The following CYB5R2 variants were observed in gnomAD, a reference collection of about 807,000 sequenced individuals.
CYB5R2 encodes cytochrome b5 reductase 2, also known as NADH-cytochrome b5 reductase 2.
Under a neutral mutation model 29.8 loss-of-function variants are expected in CYB5R2, and 35 were observed. That is an observed-to-expected ratio of 1.17 (90% CI 0.90 to 1.56). CYB5R2 has a LOEUF of 1.56. Ranked by LOEUF, CYB5R2 falls within the 40% of genes most tolerant of loss-of-function variation. The probability of loss-of-function intolerance (pLI) is 0.00; values close to 1 mark genes in which losing one functional copy is unlikely to be tolerated. For synonymous variants in CYB5R2, 169 were observed against 130.6 expected (o/e 1.29, Z -2.01); for missense variants, 419 against 346.7 (o/e 1.21, Z -1.66).
chr11:7,666,649 C>T, intron 7 of CYB5R2, 99 bp from the exon 8 acceptor site: 1 of 766,372 alleles, frequency 1.3e-6, no homozygotes. Context: ...AAGCTGCCAC[C>T]ACTCCAGCTG....
At position 7,668,513 on chromosome 11, in the gene CYB5R2, A is replaced by C. The variant is rs1006325206; in HGVS notation, c.437T>G (p.Leu146Arg). The change falls in exon 6 of 9, where the codon CTG (leucine) becomes CGG (arginine). Residue 146 changes from leucine to arginine, a missense_variant. Coordinates refer to ENST00000299498, the MANE Select transcript of CYB5R2 (RefSeq NM_016229.5). ...AGCAATCATTCCCAGGTGATCGGCC[A>C]GTGTTTTTTTAGGCTCACTCGTCTG... The part of the protein sequence containing the change: ...PDQTSEPKKT[L>R]ADHLGMIAGG... 24 of 1,613,980 alleles carry C rather than the reference A, an allele frequency of 1.5e-5. No homozygotes were observed. Among genetic ancestry groups the C allele is most frequent in the Non-Finnish European group, 1.9e-5 (22 of 1,180,002 alleles).
At chr11:7,674,035 C>T (rs1329746121), upstream of CYB5R2, 1 of 1,182,428 alleles carries the variant, frequency 8.5e-7, no homozygotes, top group Non-Finnish European at 1.1e-6. Context: ...GGCGTCCTCG[C>T]TCCTGCGCTG....
upstream of CYB5R2, chr11:7,673,915 C>T (rs1411482173): frequency 4.0e-6 from 4 of 1,000,566 alleles, no homozygotes; most frequent in South Asian, 4.3e-5. Flanking sequence ...CTGGCCCGCT[C>T]CCCGAGAAGG....
intron 7 of CYB5R2, 68 bp from the exon 8 acceptor site, chr11:7,666,618 C>G: frequency 8.6e-7 from 1 of 1,169,570 alleles, no homozygotes; most frequent in Non-Finnish European, 1.3e-6. Context: ...CTGACTACAC[C>G]GGTCAGCATA....
intron 3 of CYB5R2, chr11:7,671,305 C>G (rs1246267255): frequency 6.6e-6 from 1 of 152,410 alleles, no homozygotes; most frequent in Non-Finnish European, 1.5e-5. Flanking sequence ...CAAGCCCCAT[C>G]TCTAACTTGC....
At chr11:7,672,195 C>A in intron 3 of CYB5R2, 1 of 452,062 alleles carries the variant, frequency 2.2e-6, no homozygotes. Context: ...AGATTTTAGG[C>A]CTTTTGGCTC....
intron 4 of CYB5R2, 43 bp downstream of exon 4, chr11:7,669,582 G>A: frequency 6.8e-7 from 1 of 1,481,452 alleles, no homozygotes; most frequent in Non-Finnish European, 9.2e-7. Context: ...CCCTCAGTAG[G>A]CTTGGAAGCA....
rs757629573 is a variant in CYB5R2 at position 7,665,202 on chromosome 11, C to T, written c.*172G>A. On this transcript the variant is annotated 3_prime_UTR_variant, in exon 9 of 9. Coordinates refer to ENST00000299498, the MANE Select transcript of CYB5R2 (RefSeq NM_016229.5). ...CAAGGAGGCCCCAGCAGCCAGTCTC[C>T]AGCCCCTTGAGCCCTTTTTGTTAGG... The T allele has an allele frequency of 7.5e-5, 40 of 533,670 alleles. No individual in the cohort carries two copies. Among genetic ancestry groups the T allele is most frequent in the Non-Finnish European group, 1.3e-4 (39 of 311,214 alleles). The allele number at this position is 533,670 out of a possible 1,614,324, so 33.1% of individuals were successfully genotyped here.
intron 7 of CYB5R2, 45 bp from the exon 8 acceptor site, chr11:7,666,595 C>G (rs1855254504): frequency 7.0e-7 from 1 of 1,421,630 alleles, no homozygotes; most frequent in Non-Finnish European, 9.9e-7. Flanking sequence ...GGGCCATCCT[C>G]TTGTTCCCTG....
chr11:7,667,403 ATATT>A (rs953413511), intron 7 of CYB5R2: 5 of 176,046 alleles, frequency 2.8e-5, no homozygotes, highest in African/African-American at 1.2e-4. Flanking sequence ...AAGTAAGTAA[ATATT>A]TATATTCTGT....
chr11:7,673,998 C>T (rs1477214601), upstream of CYB5R2: 2 of 1,149,282 alleles, frequency 1.7e-6, no homozygotes, highest in African/African-American at 1.7e-5. Flanking sequence ...AGCGCTCCAT[C>T]ATGAGGCTGG....
At chr11:7,673,582 C>G (rs1330634277), upstream of CYB5R2, 1 of 985,462 alleles carries the variant, frequency 1.0e-6, no homozygotes, top group Non-Finnish European at 1.2e-6. Flanking sequence ...GCCTCCCGCT[C>G]CGGCCCCCAA....
chr11:7,668,877 A>T (rs562983792), intron 5 of CYB5R2: 8 of 573,828 alleles, frequency 1.4e-5, no homozygotes, highest in South Asian at 7.8e-5. Context: ...TGAGTAAACA[A>T]TGGCTATGTG....
At chr11:7,674,155 G>A (rs1165514132), upstream of CYB5R2, 2 of 1,231,704 alleles carry the variant, frequency 1.6e-6, no homozygotes, top group Admixed American at 2.6e-5. Context: ...GTGACCGGGC[G>A]GAGGGGGATG....
intron 3 of CYB5R2, chr11:7,670,191 A>T (rs1250612561): frequency 1.1e-5 from 2 of 174,510 alleles, no homozygotes; most frequent in Non-Finnish European, 2.4e-5. Context: ...TCTCTACAAA[A>T]AAATACAAAA....
chr11:7,673,732 C>A, upstream of CYB5R2: 7 of 986,478 alleles, frequency 7.1e-6, no homozygotes, highest in Non-Finnish European at 7.2e-6. Flanking sequence ...AGTGAGACGC[C>A]CAACACGTCG....
chr11:7,673,984 G>A, upstream of CYB5R2: 1 of 1,136,190 alleles, frequency 8.8e-7, no homozygotes, highest in Non-Finnish European at 1.1e-6. Context: ...CCTGCCCCCA[G>A]GGCAGCGCTC....
chr11:7,670,930 A>AAATT (rs1855694279), intron 3 of CYB5R2: 1 of 55,372 alleles, frequency 1.8e-5, no homozygotes, highest in Non-Finnish European at 3.8e-5. Context: ...TACATACGGG[A>AAATT]AATTAGTCGA....
chr11:7,670,073 G>A (rs1855632774), intron 3 of CYB5R2: 1 of 257,350 alleles, frequency 3.9e-6, no homozygotes, highest in Admixed American at 5.2e-5. Flanking sequence ...AAAAATTACA[G>A]AAAGGGGTCA....
Sources: gnomAD v4.1 joint callset for allele counts on GRCh38, gnomAD v4.1.1 for gene constraint, MANE v1.5 for transcripts, NCBI Gene and HGNC (gene_info 2026-07-23, HGNC 2026-07-21) for gene names.